The following ZBTB20 variants were observed in gnomAD, a reference collection of about 807,000 sequenced individuals.
ZBTB20 encodes zinc finger and BTB domain-containing protein 20.
A neutral mutation model predicts 56.9 loss-of-function variants in ZBTB20; 9 were observed. That is an observed-to-expected ratio of 0.16 (90% CI 0.10 to 0.28). The LOEUF (loss-of-function observed/expected upper bound fraction) is 0.28. Ranked by LOEUF, ZBTB20 falls within the 10% of genes least tolerant of loss-of-function variation. The pLI is 1.00. For synonymous variants in ZBTB20, 417 were observed against 420.7 expected, an observed-to-expected ratio of 0.99 and a Z score of 0.11; for missense variants, 655 against 1,003.0, an observed-to-expected ratio of 0.65 and a Z score of 4.69.
intron 7 of ZBTB20, among the ~76,000 whole-genome samples, chr3:114,485,730 A>G (rs1441243291): frequency 6.6e-6 from 1 of 152,114 alleles, no homozygotes; most frequent in Non-Finnish European, 1.5e-5. Flanking sequence ...AAAGGTGTGA[A>G]GGAGCTGTCT....
intron 1 of ZBTB20, among the ~76,000 whole-genome samples, chr3:115,077,576 C>T (rs1202432236): frequency 6.6e-6 from 1 of 152,192 alleles, no homozygotes; most frequent in Non-Finnish European, 1.5e-5. Flanking sequence ...GACTAAGAGA[C>T]ACTTGAATAA....
chr3:114,376,199 C>T (rs773964727), intron 10 of ZBTB20, among the ~76,000 whole-genome samples: 10 of 152,082 alleles, frequency 6.6e-5, no homozygotes, highest in Non-Finnish European at 1.5e-4. Context: ...AGCTAAAGAC[C>T]CATATCCTCA....
intron 7 of ZBTB20, chr3:114,419,265 CACA>C (rs1476075669): frequency 6.6e-6 from 1 of 152,034 alleles, no homozygotes; most frequent in Non-Finnish European, 1.5e-5. Flanking sequence ...TAATTTGGAA[CACA>C]AATAATGGCT....
At chr3:114,698,028 C>CA (rs1309907133) in intron 5 of ZBTB20, among the ~76,000 whole-genome samples, 1 of 152,056 alleles carries the variant, frequency 6.6e-6, no homozygotes, top group Non-Finnish European at 1.5e-5. Context: ...ACTATACTGT[C>CA]AGACTCCTCC....
intron 2 of ZBTB20, among the ~76,000 whole-genome samples, chr3:115,066,833 T>C (rs1288883492): frequency 6.6e-6 from 1 of 152,052 alleles, no homozygotes; most frequent in Non-Finnish European, 1.5e-5. Context: ...TCCCTTCCCC[T>C]GTCTTCTCCC....
At chr3:114,380,156 C>A in intron 10 of ZBTB20, 61 bp downstream of exon 10, 3 of 1,415,550 alleles carry the variant, frequency 2.1e-6, no homozygotes, top group Non-Finnish European at 1.8e-6. Flanking sequence ...AAGCCAGAAC[C>A]CAGGGTAGAA....
chr3:115,012,520 A>G (rs2079766209), intron 2 of ZBTB20, among the ~76,000 whole-genome samples: 1 of 151,790 alleles, frequency 6.6e-6, no homozygotes, highest in South Asian at 2.1e-4. Flanking sequence ...ACAAGGATAT[A>G]ACAATTGTAA....
intron 6 of ZBTB20, among the ~76,000 whole-genome samples, chr3:114,677,521 T>C (rs1199909597): frequency 6.6e-6 from 1 of 152,164 alleles, no homozygotes; most frequent in Non-Finnish European, 1.5e-5. Context: ...GAGAATCTAA[T>C]GCCTGATGAT....
chr3:114,595,810 G>T (rs2056265591), intron 6 of ZBTB20, among the ~76,000 whole-genome samples: 1 of 152,130 alleles, frequency 6.6e-6, no homozygotes, highest in Admixed American at 6.6e-5. Flanking sequence ...ACAAGATACG[G>T]TCAAGGTTAC....
At chr3:114,839,447 G>GAAAGAAAA (rs2074275149) in intron 4 of ZBTB20, among the ~76,000 whole-genome samples, 2 of 149,976 alleles carry the variant, frequency 1.3e-5, no homozygotes, top group Admixed American at 1.3e-4. Flanking sequence ...AAGAAAGAAA[G>GAAAGAAAA]AAAGAAAGAA....
At chr3:114,838,277 A>G (rs1308952267) in intron 4 of ZBTB20, among the ~76,000 whole-genome samples, 1 of 152,240 alleles carries the variant, frequency 6.6e-6, no homozygotes, top group East Asian at 1.9e-4. Flanking sequence ...TATTTGATAC[A>G]TCAGGTTTAA....
At chr3:114,924,993 T>C (rs2107775829) in intron 3 of ZBTB20, among the ~76,000 whole-genome samples, 1 of 147,848 alleles carries the variant, frequency 6.8e-6, no homozygotes, top group East Asian at 1.9e-4. Flanking sequence ...TTTTTTTTTT[T>C]TTTTTTTTTT....
At chr3:114,579,386 A>C (rs2054412917) in intron 6 of ZBTB20, among the ~76,000 whole-genome samples, 1 of 151,702 alleles carries the variant, frequency 6.6e-6, no homozygotes. Context: ...AAAATTGAAC[A>C]AAACTACGTA....
At chr3:114,703,181 A>G (rs948440690) in intron 5 of ZBTB20, among the ~76,000 whole-genome samples, 3 of 152,158 alleles carry the variant, frequency 2.0e-5, no homozygotes, top group African/African-American at 7.2e-5. Flanking sequence ...AACATTCAAT[A>G]AGTCTTTATT....
intron 1 of ZBTB20, among the ~76,000 whole-genome samples, chr3:115,084,554 A>G (rs1042650918): frequency 4.6e-5 from 7 of 151,942 alleles, no homozygotes; most frequent in African/African-American, 1.7e-4. Flanking sequence ...CAGTGGAAAA[A>G]TATGAGATTT....
intron 3 of ZBTB20, among the ~76,000 whole-genome samples, chr3:114,968,809 A>G (rs1290160735): frequency 1.3e-5 from 2 of 152,234 alleles, no homozygotes; most frequent in African/African-American, 4.8e-5. Context: ...GAGATCTTCT[A>G]TATCATATAA....
intron 4 of ZBTB20, among the ~76,000 whole-genome samples, chr3:114,839,799 C>T (rs1336900134): frequency 1.3e-5 from 2 of 152,162 alleles, no homozygotes; most frequent in African/African-American, 4.8e-5. Context: ...GACAGAGGCA[C>T]AAACTGGAGT....
At chr3:114,522,473 C>G in intron 6 of ZBTB20, among the ~76,000 whole-genome samples, 1 of 152,122 alleles carries the variant, frequency 6.6e-6, no homozygotes, top group Non-Finnish European at 1.5e-5. Context: ...TTAGAGAGTT[C>G]TGAGCAGAGA....
chr3:114,568,297 T>C (rs1470020977), intron 6 of ZBTB20, among the ~76,000 whole-genome samples: 1 of 152,180 alleles, frequency 6.6e-6, no homozygotes, highest in Non-Finnish European at 1.5e-5. Flanking sequence ...CTGATGTTTG[T>C]CCTAAAGATT....
Sources: allele counts gnomAD v4.1 joint callset (sites outside exome capture counted in the v4.1 genomes callset), GRCh38; gene constraint gnomAD v4.1.1; transcripts MANE v1.5; gene names NCBI Gene and HGNC (gene_info 2026-07-23, HGNC 2026-07-21).